TBK1: variants seen among roughly 807,000 people sequenced by gnomAD.
TBK1 encodes the protein serine/threonine-protein kinase TBK1.
TBK1 carries 37 observed loss-of-function variants against 99.9 expected under a neutral mutation model. The ratio of observed to expected loss-of-function variants is 0.37; its 90% CI spans 0.28 to 0.49. The LOEUF is 0.49. Ranked by LOEUF, TBK1 falls within the 20% of genes least tolerant of loss-of-function variation. The pLI is 0.98. For synonymous variants in TBK1, 258 were observed against 279.8 expected (o/e 0.92, Z 0.78); for missense variants, 644 against 872.5 (o/e 0.74, Z 3.30).
At chr12:64,482,143 A>G (rs968353258) in intron 8 of TBK1, 122 bp downstream of exon 8, 2 of 579,844 alleles carry the variant, frequency 3.4e-6, no homozygotes, top group Admixed American at 4.3e-5. Context: ...CCACATGGAA[A>G]ATTATATTTA....
chr12:64,497,621 CTTTTTT>C (rs71092972), intron 18 of TBK1, 21 bp from the exon 19 acceptor site: 2 of 1,024,162 alleles, frequency 2.0e-6, no homozygotes, highest in South Asian at 1.7e-5. Context: ...GGGTTTTTTT[CTTTTTT>C]TTTTTTTTTT....
At chr12:64,475,205 C>A (rs2040699241) in intron 6 of TBK1, among the ~76,000 whole-genome samples, 1 of 152,024 alleles carries the variant, frequency 6.6e-6, no homozygotes, top group African/African-American at 2.4e-5. Flanking sequence ...AGATTTGGAC[C>A]AGACACTTGA....
intron 13 of TBK1, 102 bp from the exon 14 acceptor site, chr12:64,495,381 A>G (rs1299450681): frequency 1.4e-6 from 2 of 1,396,876 alleles, no homozygotes; most frequent in African/African-American, 2.9e-5. Flanking sequence ...GAATTGAAGT[A>G]ATCTACAAAA....
intron 20 of TBK1, among the ~76,000 whole-genome samples, chr12:64,498,820 G>C (rs1203511722): frequency 1.3e-5 from 2 of 151,716 alleles, no homozygotes; most frequent in African/African-American, 4.8e-5. Flanking sequence ...GCTGGGCATG[G>C]TGGTGCACAC....
intron 6 of TBK1, among the ~76,000 whole-genome samples, chr12:64,478,516 T>G (rs2040737339): frequency 1.3e-5 from 2 of 152,254 alleles, no homozygotes; most frequent in African/African-American, 4.8e-5. Flanking sequence ...AAAAGACAAT[T>G]ATCTAATCTC....
At chr12:64,476,730 C>A (rs11829120) in intron 6 of TBK1, among the ~76,000 whole-genome samples, 22,103 of 151,936 alleles carry the variant, frequency 0.15, 1,911 homozygotes, top group African/African-American at 0.23. Flanking sequence ...GGTATTCATC[C>A]TGAATTATTT....
chr12:64,488,575 A>G lies in TBK1; in HGVS notation c.1429A>G (p.Lys477Glu), dbSNP rs777162556. The stretch of plus-strand genomic sequence containing the variant: ...GGATTTCTGTATCAGAAACATTGAA[A>G]AAACTGTGAAAGTGTGAGTAGACTA... The part of the protein sequence containing the change: ...TLDFCIRNIE[K>E]TVKVYEKLMK... Residue 477 changes from lysine to glutamate, a missense_variant, in exon 12 of 21, where the codon AAA (lysine) becomes GAA (glutamate). Lys to Glu is a moderately conservative substitution (Grantham distance 56, BLOSUM62 1). Transcript: ENST00000331710. The G allele has an allele frequency of 1.9e-6, 3 of 1,597,970 alleles. No homozygotes were observed. Among genetic ancestry groups the G allele is most frequent in the East Asian group, 4.5e-5 (2 of 44,532 alleles).
chr12:64,495,882 T>A, intron 15 of TBK1, 107 bp downstream of exon 15: 1 of 820,464 alleles, frequency 1.2e-6, no homozygotes, highest in Non-Finnish European at 1.8e-6. Context: ...CTTAAGCTGT[T>A]TTTTTCAGAG....
intron 5 of TBK1, among the ~76,000 whole-genome samples, chr12:64,472,263 C>T (rs1401269485): frequency 6.8e-6 from 1 of 148,018 alleles, no homozygotes; most frequent in Non-Finnish European, 1.5e-5. Flanking sequence ...CACCCCCCCA[C>T]CACCCCGACC....
In TBK1 at chr12:64,455,845, C is replaced by G; in HGVS notation, c.-26C>G. 2 of 1,578,854 alleles carry G rather than the reference C, an allele frequency of 1.3e-6. No homozygotes were observed. Among genetic ancestry groups the G allele is most frequent in the Non-Finnish European group, 1.7e-6 (2 of 1,163,942 alleles). On this transcript the variant is annotated 5_prime_UTR_variant, in exon 2 of 21. Transcript: ENST00000331710. Reference sequence around the variant, plus strand: ...AAATTTTTTTTTTCTCTTAGTATAACAAGAGGATTGCCTGATCCAGCCAAG... The same window carrying G: ...AAATTTTTTTTTTCTCTTAGTATAAGAAGAGGATTGCCTGATCCAGCCAAG...
chr12:64,470,590 T>G (rs1376165896), intron 5 of TBK1, among the ~76,000 whole-genome samples: 2 of 152,208 alleles, frequency 1.3e-5, no homozygotes, highest in African/African-American at 2.4e-5. Flanking sequence ...CAAAAATACT[T>G]TGTTATATAT....
At position 64,465,257 on chromosome 12, in the gene TBK1, A is replaced by AAAC. The variant is rs1285780427; in HGVS notation, c.358+796_358+797insCAA. On this transcript the variant is annotated intron_variant, in intron 4 of 20. Transcript: ENST00000331710. The stretch of plus-strand genomic sequence containing the variant: ...AAGACTATCTCAAAAAAAAAAAAAA[A>AAAC]AAAAAAACAAGTGTTGGCAAGAATA... Among the ~76,000 whole-genome samples the AAAC allele has an allele frequency of 1.2e-3, 184 of 150,998 alleles. 4 individuals are homozygous for AAAC. Among genetic ancestry groups the AAAC allele is most frequent in the African/African-American group, 4.2e-3 (174 of 41,240 alleles).
At chr12:64,488,677 G>GATAT (rs1317937798) in intron 12 of TBK1, 89 bp downstream of exon 12, 1 of 919,602 alleles carries the variant, frequency 1.1e-6, no homozygotes. Flanking sequence ...GGCACAATAT[G>GATAT]GCATGCTATG....
At chr12:64,477,470 TAGAA>T (rs2040725829) in intron 6 of TBK1, among the ~76,000 whole-genome samples, 1 of 152,234 alleles carries the variant, frequency 6.6e-6, no homozygotes, top group Non-Finnish European at 1.5e-5. Context: ...TGTCCGTGTA[TAGAA>T]ATGCTACTGA....
At chr12:64,458,771 T>C (rs551296379) in intron 2 of TBK1, among the ~76,000 whole-genome samples, 1 of 152,256 alleles carries the variant, frequency 6.6e-6, no homozygotes, top group South Asian at 2.1e-4. Flanking sequence ...TTGAGGCCTG[T>C]CTCAGCTTAA....
At chr12:64,484,010 T>TACACACACACACAC (rs71092971) in intron 8 of TBK1, 23 of 155,192 alleles carry the variant, frequency 1.5e-4, no homozygotes, top group East Asian at 1.1e-3. Flanking sequence ...CTGTCTCACA[T>TACACACACACACAC]ACACACACAC....
intron 7 of TBK1, 25 bp downstream of exon 7, chr12:64,480,147 A>C: frequency 1.0e-4 from 163 of 1,557,110 alleles, no homozygotes; most frequent in Non-Finnish European, 1.3e-4. Context: ...CCTAATTCTC[A>C]TCTTTTGCAC....
chr12:64,460,272 A>G lies in TBK1; in HGVS notation c.171A>G (p.Glu57=). ...RPVDVQMREF[E]VLKKLNHKNI... The stretch of plus-strand genomic sequence containing the variant: ...TGGATGTTCAAATGAGAGAATTTGA[A>G]GTGTTGAAAAAACTCAATCACAAAA... The change falls in exon 3 of 21, where the codon GAA becomes GAG. Residue 57 remains glutamate (E), a synonymous_variant. Coordinates refer to ENST00000331710, the MANE Select transcript of TBK1 (RefSeq NM_013254.4). 1 of 1,586,610 alleles carries G rather than the reference A, an allele frequency of 6.3e-7. No homozygotes were observed. Among genetic ancestry groups the G allele is most frequent in the Non-Finnish European group, 8.6e-7 (1 of 1,165,352 alleles).
Position 64,497,194 on chromosome 12 carries a change from T to C in TBK1, c.1894T>C (p.Ser632Pro). The C allele has an allele frequency of 6.2e-7, 1 of 1,600,848 alleles. No individual in the cohort carries two copies. Among genetic ancestry groups the C allele is most frequent in the Non-Finnish European group, 8.5e-7 (1 of 1,172,332 alleles). The change falls in exon 18 of 21, where the codon TCG becomes CCG. Residue 632 changes from serine (S) to proline (P), a missense_variant. Ser to Pro is a moderately conservative substitution (Grantham distance 74). Coordinates refer to ENST00000331710, the MANE Select transcript of TBK1 (RefSeq NM_013254.4). Reference protein sequence around the residue: ...KMLHLRKQLLSLTNQCFDIEE... With the variant: ...KMLHLRKQLLPLTNQCFDIEE... ...GCTTCATCTTAGGAAACAGTTATTA[T>C]CGCTGACTAATCAGTGTTTTGATAT...
Sources: gnomAD v4.1 joint callset for allele counts (sites outside exome capture counted in the v4.1 genomes callset) on GRCh38, gnomAD v4.1.1 for gene constraint, MANE v1.5 for transcripts, NCBI Gene and HGNC (gene_info 2026-07-23, HGNC 2026-07-21) for gene names.